Variants in CEP57 observed in about 807,000 individuals in gnomAD.
CEP57 encodes centrosomal protein of 57 kDa.
In CEP57, 40 loss-of-function variants were observed where a neutral mutation model predicts 68.0. That is an observed-to-expected ratio of 0.59 (90% confidence interval 0.46 to 0.77). The LOEUF is 0.77. Ranked by LOEUF, CEP57 falls within the 30% of genes least tolerant of loss-of-function variation. CEP57 has a pLI of 0.00. For synonymous variants in CEP57, 219 were observed against 198.7 expected, an observed-to-expected ratio of 1.10 and a Z score of -0.86; for missense variants, 606 against 580.7, an observed-to-expected ratio of 1.04 and a Z score of -0.45.
chr11:95,823,252 A>T (rs1365748681), intron 8 of CEP57: 2 of 152,370 alleles, frequency 1.3e-5, no homozygotes, highest in Non-Finnish European at 2.9e-5. Flanking sequence ...ACCCCTAGTA[A>T]ATTCGCAGTG....
intron 8 of CEP57, chr11:95,827,063 A>G (rs922924088): frequency 2.0e-5 from 3 of 152,210 alleles, no homozygotes; most frequent in Non-Finnish European, 4.4e-5. Context: ...CTGCATTTTA[A>G]ATATGCTTTC....
intron 8 of CEP57, among the ~76,000 whole-genome samples, chr11:95,824,103 C>T (rs757331240): frequency 1.3e-5 from 2 of 150,272 alleles, no homozygotes; most frequent in Non-Finnish European, 3.0e-5. Flanking sequence ...AAAATGATCC[C>T]GGCATGTTGG....
At chr11:95,825,636 A>G in intron 8 of CEP57, 2 of 138,554 alleles carry the variant, frequency 1.4e-5, no homozygotes, top group Non-Finnish European at 3.0e-5. Flanking sequence ...TCGCTCTGTC[A>G]CTCAGGCTGG....
intron 1 of CEP57, among the ~76,000 whole-genome samples, chr11:95,791,065 G>T (rs891325449): frequency 6.6e-6 from 1 of 152,204 alleles, no homozygotes; most frequent in Admixed American, 6.5e-5. Context: ...CAAAAATGTA[G>T]CTCTTTTGGT....
chr11:95,817,869 A>G lies in CEP57; in HGVS notation c.587A>G (p.Tyr196Cys). 1 of 1,613,738 alleles carries G rather than the reference A, an allele frequency of 6.2e-7. No homozygotes were observed. The highest frequency in any genetic ancestry group is 8.5e-7 in the Non-Finnish European group (1 of 1,179,684). The part of the protein sequence containing the change: ...LEKLDLLEQE[Y>C]NKLTTMQALA... Reference sequence around the variant, plus strand: ...AAATTGGATCTTCTTGAACAGGAGTATAACAAACTTACCACAATGCAGGCC... The same window carrying G: ...AAATTGGATCTTCTTGAACAGGAGTGTAACAAACTTACCACAATGCAGGCC... Residue 196 changes from tyrosine to cysteine, a missense_variant, in exon 5 of 11, where the codon TAT becomes TGT. By Grantham distance (194) the Tyr-to-Cys change is radical (BLOSUM62 -2). Transcript: ENST00000325542.
Position 95,824,070 on chromosome 11 carries a change from T to C in CEP57, c.885+1494T>C, listed in dbSNP as rs540210793. Reference sequence around the variant, plus strand: ...ATAAATGAATCCAGCTGAAGGCCTATTGTAAAAAAAAAAAAAAAAAAAAAA... The same window carrying C: ...ATAAATGAATCCAGCTGAAGGCCTACTGTAAAAAAAAAAAAAAAAAAAAAA... On this transcript the variant is annotated intron_variant, in intron 8 of 10. Transcript: ENST00000325542. 9.5e-5 allele frequency among the ~76,000 whole-genome samples: 12 copies of C among 126,240 alleles called. No individual in the cohort carries two copies. The East Asian group carries it at 1.3e-3, about 14-fold the overall frequency. 82.8% of individuals were successfully genotyped at this position (126,240 alleles called of 152,430 possible). A position where few individuals can be genotyped will look rare whatever the true frequency, so the allele number is the denominator to read the frequency against.
Position 95,792,679 on chromosome 11 carries a change from C to G in CEP57, c.45+1936C>G, listed in dbSNP as rs550338605. ...TAGGATTCTAAATATCAAGGGTACA[C>G]TAAGAATATCTAGGAACCTCCACAA... is the stretch of plus-strand genomic sequence containing the variant. On this transcript the variant is annotated intron_variant, in intron 1 of 10. Coordinates refer to ENST00000325542, the MANE Select transcript of CEP57 (RefSeq NM_014679.5). Among the ~76,000 whole-genome samples, 4 of 152,176 alleles carry G rather than the reference C, an allele frequency of 2.6e-5. No homozygotes were observed. In the South Asian group the frequency reaches 8.3e-4, roughly 32 times the overall value.
chr11:95,811,780 T>C (rs1488700551), intron 2 of CEP57, among the ~76,000 whole-genome samples: 4 of 152,174 alleles, frequency 2.6e-5, no homozygotes, highest in Non-Finnish European at 5.9e-5. Flanking sequence ...TTGATGGAAA[T>C]GGAAAATAAC....
rs530047805 is a variant in CEP57 at position 95,823,187 on chromosome 11, T to G, written c.885+611T>G. The G allele has an allele frequency of 3.3e-5, 5 of 152,522 alleles. No homozygotes were observed. The East Asian group carries it at 7.7e-4, about 23-fold the overall frequency. 9.4% of individuals were successfully genotyped at this position (152,522 alleles called of 1,614,324 possible). ...CCAACTAGATTGTTATTCTGGCATC[T>G]TGGGAAGTAAATGTTCTTCTGAATT... On this transcript the variant is annotated intron_variant, in intron 8 of 10. Transcript: ENST00000325542.
At chr11:95,822,129 C>T in intron 7 of CEP57, 151 bp downstream of exon 7, 1 of 663,558 alleles carries the variant, frequency 1.5e-6, no homozygotes, top group Non-Finnish European at 2.7e-6. Flanking sequence ...TAAGTAATAC[C>T]TACTCCTAAA....
rs553321851 is a variant in CEP57 at position 95,829,120 on chromosome 11, A to C, written c.1128-67A>C. 5.2e-5 allele frequency: 79 copies of C among 1,508,556 alleles called. No individual in the cohort carries two copies. In the South Asian group the frequency reaches 8.6e-4, roughly 17 times the overall value. The allele number at this position is 1,508,556 out of a possible 1,614,324, so 93.4% of individuals were successfully genotyped here. A position where few individuals can be genotyped will look rare whatever the true frequency, so the allele number is the denominator to read the frequency against. On this transcript the variant is annotated intron_variant, in intron 9 of 10. Transcript: ENST00000325542. Reference sequence around the variant, plus strand: ...ACACATGGAGCAGTAACCCATAATGAGGTATAATAGACCTAACCATGAAAC... The same window carrying C: ...ACACATGGAGCAGTAACCCATAATGCGGTATAATAGACCTAACCATGAAAC...
intron 8 of CEP57, among the ~76,000 whole-genome samples, chr11:95,825,031 C>T (rs367810741): frequency 3.9e-5 from 6 of 152,312 alleles, no homozygotes; most frequent in African/African-American, 1.4e-4. Context: ...TACCCAGGAG[C>T]ATGGAAGTTC....
chr11:95,793,354 A>G (rs1861184692), intron 1 of CEP57, among the ~76,000 whole-genome samples: 1 of 152,150 alleles, frequency 6.6e-6, no homozygotes, highest in Admixed American at 6.5e-5. Flanking sequence ...TCAGCCTTGT[A>G]ATATTTTCAC....
At chr11:95,806,998 C>T (rs535798396) in intron 2 of CEP57, among the ~76,000 whole-genome samples, 39 of 152,278 alleles carry the variant, frequency 2.6e-4, no homozygotes, top group African/African-American at 7.2e-4. Flanking sequence ...CTCATACAGC[C>T]GGGTCCCCTT....
intron 6 of CEP57, among the ~76,000 whole-genome samples, chr11:95,820,596 A>T (rs933268502): frequency 1.2e-4 from 18 of 152,046 alleles, no homozygotes; most frequent in South Asian, 8.3e-4. Flanking sequence ...AAAAAAAAAA[A>T]ACAGTGTTCT....
chr11:95,813,524 T>C lies in CEP57; in HGVS notation c.439T>C (p.Leu147=), dbSNP rs1313608269. The change falls in exon 4 of 11, where the codon TTG becomes CTG. Residue 147 remains leucine, a synonymous_variant. Transcript: ENST00000325542. ...TAAATGCAATCTATTAGAAAAACAA[T>C]TGGAATACATGCGAAATATGATAAA... is the stretch of plus-strand genomic sequence containing the variant. ...ENKCNLLEKQ[L]EYMRNMIKHA... is the part of the protein sequence containing the mutation. The C allele has an allele frequency of 1.2e-6, 2 of 1,613,004 alleles. No individual in the cohort carries two copies. Among genetic ancestry groups the C allele is most frequent in the African/African-American group, 2.7e-5 (2 of 74,898 alleles).
chr11:95,802,511 C>T (rs1861626019), intron 2 of CEP57, among the ~76,000 whole-genome samples: 1 of 152,094 alleles, frequency 6.6e-6, no homozygotes, highest in African/African-American at 2.4e-5. Context: ...CCTCAGCCTC[C>T]CAAAGTGCTG....
chr11:95,798,758 TAAATG>T (rs1861452001), intron 1 of CEP57, among the ~76,000 whole-genome samples: 2 of 152,232 alleles, frequency 1.3e-5, no homozygotes, highest in South Asian at 4.1e-4. Context: ...TTTTGTTAAT[TAAATG>T]TAAAGTATTT....
intron 1 of CEP57, among the ~76,000 whole-genome samples, chr11:95,797,135 A>G (rs1186948673): frequency 6.7e-6 from 1 of 149,848 alleles, no homozygotes; most frequent in Non-Finnish European, 1.5e-5. Flanking sequence ...TAGGGCTGAA[A>G]TTTGTGACTC....
Sources: allele counts gnomAD v4.1 joint callset (sites outside exome capture counted in the v4.1 genomes callset), GRCh38; gene constraint gnomAD v4.1.1; transcripts MANE v1.5; gene names NCBI Gene and HGNC (gene_info 2026-07-23, HGNC 2026-07-21).